Variants in KCNC2 observed in about 807,000 individuals in gnomAD.
KCNC2 encodes the protein voltage-gated potassium channel KCNC2.
A neutral mutation model predicts 44.5 loss-of-function variants in KCNC2; 21 were observed. The observed-to-expected ratio is 0.47, with a 90% confidence interval of 0.33 to 0.68. The LOEUF (loss-of-function observed/expected upper bound fraction) is 0.68, where lower values mean the gene tolerates loss of function less well. Ranked by LOEUF, KCNC2 falls within the 30% of genes least tolerant of loss-of-function variation. The pLI is 0.01. For synonymous variants in KCNC2, 391 were observed against 339.1 expected, an observed-to-expected ratio of 1.15 and a Z score of -1.68; for missense variants, 589 against 826.2, an observed-to-expected ratio of 0.71 and a Z score of 3.52.
intron 2 of KCNC2, among the ~76,000 whole-genome samples, chr12:75,075,902 T>C (rs1173470172): frequency 1.3e-5 from 2 of 152,170 alleles, no homozygotes; most frequent in East Asian, 1.9e-4. Flanking sequence ...AATACTTCTG[T>C]TTAATTTGGC....
At chr12:75,129,743 C>A (rs1248162323) in intron 2 of KCNC2, among the ~76,000 whole-genome samples, 5 of 152,036 alleles carry the variant, frequency 3.3e-5, no homozygotes, top group African/African-American at 1.2e-4. Flanking sequence ...AGAAACAAAA[C>A]AATCTGAATG....
At chr12:75,084,799 A>G (rs2137098979) in intron 2 of KCNC2, among the ~76,000 whole-genome samples, 1 of 152,118 alleles carries the variant, frequency 6.6e-6, no homozygotes, top group African/African-American at 2.4e-5. Flanking sequence ...ATACCATTTA[A>G]GAAATAACTA....
Position 75,041,405 on chromosome 12 carries a change from T to C in KCNC2, c.*1700A>G. The stretch of plus-strand genomic sequence containing the variant: ...TGCTCTAGGACTTGGGGATATAGAG[T>C]AATACATGTTTCGTGGCCAATAATA... On this transcript the variant is annotated 3_prime_UTR_variant, in exon 5 of 5. Coordinates refer to ENST00000549446, the MANE Select transcript of KCNC2 (RefSeq NM_139137.4). 7.4e-7 allele frequency: 1 copy of C among 1,346,184 alleles called. No homozygotes were observed. 83.4% of individuals were successfully genotyped at this position (1,346,184 alleles called of 1,614,324 possible).
intron 2 of KCNC2, among the ~76,000 whole-genome samples, chr12:75,137,765 T>G (rs756374110): frequency 6.6e-6 from 1 of 152,192 alleles, no homozygotes; most frequent in African/African-American, 2.4e-5. Context: ...TTTCTCAGTT[T>G]ACATTTTCAT....
chr12:75,095,258 C>T (rs1323935061), intron 2 of KCNC2, among the ~76,000 whole-genome samples: 1 of 151,830 alleles, frequency 6.6e-6, no homozygotes, highest in Admixed American at 6.6e-5. Flanking sequence ...TCAGTACTGG[C>T]AAGCAACTCT....
At chr12:75,122,975 T>C (rs1393371222) in intron 2 of KCNC2, among the ~76,000 whole-genome samples, 2 of 152,148 alleles carry the variant, frequency 1.3e-5, no homozygotes, top group Non-Finnish European at 2.9e-5. Flanking sequence ...AGTTTTTAGC[T>C]AATTCTAAGT....
At chr12:75,074,804 C>T (rs920691516) in intron 2 of KCNC2, among the ~76,000 whole-genome samples, 1 of 152,144 alleles carries the variant, frequency 6.6e-6, no homozygotes, top group Non-Finnish European at 1.5e-5. Flanking sequence ...ACCTGAAGTG[C>T]TGGACAAGAG....
intron 2 of KCNC2, among the ~76,000 whole-genome samples, chr12:75,149,575 C>A (rs987995243): frequency 6.6e-6 from 1 of 151,796 alleles, no homozygotes; most frequent in African/African-American, 2.4e-5. Flanking sequence ...TGTCTGTCCA[C>A]AAACATTTTA....
At chr12:75,073,068 G>T (rs1883581451) in intron 2 of KCNC2, among the ~76,000 whole-genome samples, 1 of 152,026 alleles carries the variant, frequency 6.6e-6, no homozygotes, top group African/African-American at 2.4e-5. Flanking sequence ...TCATTCCCAG[G>T]CTTCATAATT....
intron 2 of KCNC2, among the ~76,000 whole-genome samples, chr12:75,074,842 G>A (rs1883767787): frequency 6.6e-6 from 1 of 152,306 alleles, no homozygotes; most frequent in Admixed American, 6.5e-5. Flanking sequence ...CTATAACAGT[G>A]TAATAAGTGT....
chr12:75,041,375 G>A lies in KCNC2; in HGVS notation c.*1730C>T, dbSNP rs1879885185. 4 of 1,433,212 alleles carry A rather than the reference G, an allele frequency of 2.8e-6. No homozygotes were observed. The South Asian group carries it at 4.3e-5, about 15-fold the overall frequency. The allele number at this position is 1,433,212 out of a possible 1,614,324, so 88.8% of individuals were successfully genotyped here. A position where few individuals can be genotyped will look rare whatever the true frequency, so the allele number is the denominator to read the frequency against. On this transcript the variant is annotated 3_prime_UTR_variant, in exon 5 of 5. Transcript: ENST00000549446. Reference sequence around the variant, plus strand: ...TGCTGTACAACATCTCCAACATGCAGGTCATGCTCTAGGACTTGGGGATAT... The same window carrying A: ...TGCTGTACAACATCTCCAACATGCAAGTCATGCTCTAGGACTTGGGGATAT...
chr12:75,194,490 G>T (rs1280869749), intron 2 of KCNC2, among the ~76,000 whole-genome samples: 1 of 152,206 alleles, frequency 6.6e-6, no homozygotes, highest in Non-Finnish European at 1.5e-5. Flanking sequence ...GACGATAGGT[G>T]TCTGTTGTCT....
chr12:75,052,982 G>A (rs1466893679), intron 2 of KCNC2, among the ~76,000 whole-genome samples: 31 of 152,106 alleles, frequency 2.0e-4, no homozygotes, highest in Admixed American at 1.8e-3. Flanking sequence ...TTTCCCAGAC[G>A]TTTTATGAGA....
At chr12:75,092,544 A>G (rs1291038681) in intron 2 of KCNC2, among the ~76,000 whole-genome samples, 1 of 151,692 alleles carries the variant, frequency 6.6e-6, no homozygotes, top group Non-Finnish European at 1.5e-5. Context: ...AGTTTTCATT[A>G]AAATTCACTG....
intron 2 of KCNC2, among the ~76,000 whole-genome samples, chr12:75,066,706 G>A (rs1240024451): frequency 6.6e-6 from 1 of 151,998 alleles, no homozygotes; most frequent in Admixed American, 6.6e-5. Flanking sequence ...GTAAATTCTT[G>A]TTCTTACTAA....
chr12:75,046,843 G>A (rs1880579746), intron 4 of KCNC2, among the ~76,000 whole-genome samples: 1 of 151,868 alleles, frequency 6.6e-6, no homozygotes, highest in Non-Finnish European at 1.5e-5. Flanking sequence ...AGGAACAAGA[G>A]TCTTTTGTCT....
At chr12:75,052,648 GTT>G (rs1881302707) in intron 2 of KCNC2, among the ~76,000 whole-genome samples, 1 of 152,112 alleles carries the variant, frequency 6.6e-6, no homozygotes, top group Non-Finnish European at 1.5e-5. Context: ...AAAATCCAAA[GTT>G]GCCCCTAATA....
chr12:75,046,886 G>A (rs1409094178), intron 4 of KCNC2, among the ~76,000 whole-genome samples: 1 of 151,770 alleles, frequency 6.6e-6, no homozygotes, highest in Non-Finnish European at 1.5e-5. Flanking sequence ...TAGAAGCAGA[G>A]AAGAAAAATC....
At chr12:75,082,996 A>C (rs1286533259) in intron 2 of KCNC2, among the ~76,000 whole-genome samples, 1 of 151,592 alleles carries the variant, frequency 6.6e-6, no homozygotes, top group Non-Finnish European at 1.5e-5. Flanking sequence ...GAGTAATAGA[A>C]ATATATCAGT....
Sources: allele counts gnomAD v4.1 joint callset (sites outside exome capture counted in the v4.1 genomes callset), GRCh38; gene constraint gnomAD v4.1.1; transcripts MANE v1.5; gene names NCBI Gene and HGNC (gene_info 2026-07-23, HGNC 2026-07-21).